RNLS: variants seen among roughly 807,000 people sequenced by gnomAD.
RNLS encodes the protein renalase, FAD dependent amine oxidase, also known as renalase.
A neutral mutation model predicts 39.8 loss-of-function variants in RNLS; 39 were observed. The ratio of observed to expected loss-of-function variants is 0.98; its 90% CI spans 0.76 to 1.28. The LOEUF is 1.28. RNLS is among the 50% of genes most tolerant of loss of function. RNLS has a pLI of 0.00. For synonymous variants in RNLS, 147 were observed against 150.7 expected, an observed-to-expected ratio of 0.98 and a Z score of 0.18; for missense variants, 410 against 413.3, an observed-to-expected ratio of 0.99 and a Z score of 0.07.
intron 4 of RNLS, among the ~76,000 whole-genome samples, chr10:88,424,453 T>C (rs1027852832): frequency 2.0e-5 from 3 of 152,138 alleles, no homozygotes; most frequent in East Asian, 1.9e-4. Flanking sequence ...TAAAAATGCA[T>C]GGACTATGCA....
At chr10:88,490,449 TAATA>T (rs1317119685) in intron 4 of RNLS, among the ~76,000 whole-genome samples, 4 of 152,226 alleles carry the variant, frequency 2.6e-5, no homozygotes, top group Non-Finnish European at 4.4e-5. Context: ...AGAATTCTGA[TAATA>T]AATTACTAAA....
chr10:88,497,770 G>A (rs1845256652), intron 4 of RNLS, among the ~76,000 whole-genome samples: 1 of 152,060 alleles, frequency 6.6e-6, no homozygotes, highest in Non-Finnish European at 1.5e-5. Context: ...TAAAAGTTCT[G>A]GGAGAAAAGA....
chr10:88,327,642 T>A (rs1375440195), intron 5 of RNLS, among the ~76,000 whole-genome samples: 1 of 152,252 alleles, frequency 6.6e-6, no homozygotes, highest in Admixed American at 6.5e-5. Flanking sequence ...AAGGCAATGC[T>A]ACTTTAAGAT....
the RNLS span, among the ~76,000 whole-genome samples, chr10:88,243,138 C>T: frequency 1.3e-5 from 2 of 152,106 alleles, no homozygotes; most frequent in African/African-American, 4.8e-5. Context: ...TGGGAAAATG[C>T]CTCGCACAGT....
exon 7 of RNLS, chr10:88,274,909 T>C: frequency 1.4e-6 from 2 of 1,415,086 alleles, no homozygotes; most frequent in South Asian, 2.3e-5. Context: ...AGTGGTATCC[T>C]TAAAAAAAAA....
At chr10:88,343,433 TG>T in intron 5 of RNLS, 1 of 641,896 alleles carries the variant, frequency 1.6e-6, no homozygotes, top group Non-Finnish European at 1.9e-6. Flanking sequence ...ATGGGAAAGA[TG>T]GGGGAGGAAA....
chr10:88,322,282 C>T (rs1846240600), intron 5 of RNLS, among the ~76,000 whole-genome samples: 1 of 152,156 alleles, frequency 6.6e-6, no homozygotes, highest in South Asian at 2.1e-4. Flanking sequence ...AGGAACTTAA[C>T]TAAAAATAAT....
intron 4 of RNLS, among the ~76,000 whole-genome samples, chr10:88,528,612 G>A (rs1283708942): frequency 6.6e-6 from 1 of 152,024 alleles, no homozygotes; most frequent in Non-Finnish European, 1.5e-5. Context: ...TTGGGAGGCC[G>A]AGGCGGGCGG....
chr10:88,261,383 C>T, the RNLS span, among the ~76,000 whole-genome samples: 2 of 152,184 alleles, frequency 1.3e-5, no homozygotes, highest in Non-Finnish European at 2.9e-5. Flanking sequence ...TCAGTGATTT[C>T]AAACAACAAA....
chr10:88,499,595 C>T (rs1182209270), intron 4 of RNLS, among the ~76,000 whole-genome samples: 1 of 152,084 alleles, frequency 6.6e-6, no homozygotes. Context: ...CTCTCACCTC[C>T]CCTGTCTTGG....
At chr10:88,230,905 T>A in the RNLS span, among the ~76,000 whole-genome samples, 1 of 152,240 alleles carries the variant, frequency 6.6e-6, no homozygotes, top group Non-Finnish European at 1.5e-5. Flanking sequence ...GCTAAATATG[T>A]TGTCTATGAT....
intron 5 of RNLS, among the ~76,000 whole-genome samples, chr10:88,329,005 C>T (rs946355411): frequency 1.8e-4 from 28 of 151,588 alleles, no homozygotes; most frequent in African/African-American, 6.8e-4. Flanking sequence ...AAATATTTTT[C>T]TCAAGACTTT....
chr10:88,579,332 T>C (rs2134488443), intron 3 of RNLS, among the ~76,000 whole-genome samples: 1 of 152,302 alleles, frequency 6.6e-6, no homozygotes, highest in Non-Finnish European at 1.5e-5. Flanking sequence ...AGATAATTTC[T>C]TTATGGCCAG....
chr10:88,573,117 G>C, intron 3 of RNLS, 56 bp from the exon 4 acceptor site: 2 of 1,548,088 alleles, frequency 1.3e-6, no homozygotes, highest in Non-Finnish European at 1.8e-6. Flanking sequence ...ATGAATAAAG[G>C]GGATGTGAGT....
At chr10:88,579,645 C>A (rs1021089917) in intron 3 of RNLS, among the ~76,000 whole-genome samples, 2 of 152,092 alleles carry the variant, frequency 1.3e-5, no homozygotes, top group African/African-American at 4.8e-5. Context: ...CAACCTGGGT[C>A]AGGGGAAAAT....
rs144208634 is a variant in RNLS at position 88,526,755 on chromosome 10, G to C, written c.526+46148C>G. ...CACTCCAGTCTGGGTGACAGAGCAA[G>C]ACTCTGTCTCAAAAAAAAAAAAAAT... On this transcript the variant is annotated intron_variant, in intron 4 of 6. Coordinates refer to ENST00000331772, the MANE Select transcript of RNLS (RefSeq NM_001031709.3). Among the ~76,000 whole-genome samples, 380 of 149,940 alleles carry C rather than the reference G, an allele frequency of 2.5e-3. 1 individual carries two copies. Among genetic ancestry groups the C allele is most frequent in the Non-Finnish European group, 4.6e-3 (313 of 67,558 alleles).
At chr10:88,511,384 G>C (rs1846113276) in intron 4 of RNLS, among the ~76,000 whole-genome samples, 1 of 152,090 alleles carries the variant, frequency 6.6e-6, no homozygotes, top group Non-Finnish European at 1.5e-5. Context: ...TTCTCAAACA[G>C]TGAAGATTGT....
chr10:88,317,075 TTTTTC>T (rs1342466761), intron 5 of RNLS, among the ~76,000 whole-genome samples: 4 of 152,196 alleles, frequency 2.6e-5, no homozygotes, highest in Non-Finnish European at 5.9e-5. Flanking sequence ...GCTATTTTTC[TTTTTC>T]TTTTCTTTAT....
At chr10:88,209,732 A>G in the RNLS span, among the ~76,000 whole-genome samples, 2 of 152,210 alleles carry the variant, frequency 1.3e-5, no homozygotes, top group Non-Finnish European at 2.9e-5. Context: ...TAACCCAACA[A>G]GACTGATTTT....
Sources: gnomAD v4.1 joint callset for allele counts (sites outside exome capture counted in the v4.1 genomes callset) on GRCh38, gnomAD v4.1.1 for gene constraint, MANE v1.5 for transcripts, NCBI Gene and HGNC (gene_info 2026-07-23, HGNC 2026-07-21) for gene names.